IRAK3: variants seen among roughly 807,000 people sequenced by gnomAD.
IRAK3 encodes interleukin-1 receptor-associated kinase 3.
Under a neutral mutation model 56.6 loss-of-function variants are expected in IRAK3, and 57 were observed. That is an observed-to-expected ratio of 1.01 (90% CI 0.81 to 1.26). The LOEUF (loss-of-function observed/expected upper bound fraction) is 1.26. IRAK3 is among the 50% of genes most tolerant of loss of function. The pLI, the probability that IRAK3 is intolerant of heterozygous loss-of-function variation, is 0.00. For missense variants in IRAK3, 703 were observed against 719.0 expected (o/e 0.98, Z 0.25); for synonymous variants, 258 against 255.7 (o/e 1.01, Z -0.09).
chr12:66,209,630 A>G (rs2052593059), intron 3 of IRAK3, 110 bp downstream of exon 3: 2 of 750,458 alleles, frequency 2.7e-6, no homozygotes, highest in Non-Finnish European at 2.4e-6. Context: ...GGCACTTTTT[A>G]AAAATCAGAA....
In IRAK3 at chr12:66,240,247, A is replaced by T. The variant is rs376948157; in HGVS notation, c.888-4239A>T. 4.6e-5 allele frequency among the ~76,000 whole-genome samples: 7 copies of T among 152,314 alleles called. No individual in the cohort carries two copies. The Middle Eastern group carries it at 0.01, about 222-fold the overall frequency. On this transcript the variant is annotated intron_variant, in intron 8 of 11. Transcript: ENST00000261233. Reference sequence around the variant, plus strand: ...CAGATCTTTATACCAACAGGGAAACAGGCTTAGGGGGGTTGTGCTAGTTGT... The same window carrying T: ...CAGATCTTTATACCAACAGGGAAACTGGCTTAGGGGGGTTGTGCTAGTTGT...
At chr12:66,246,455 A>G (rs2053034130) in intron 11 of IRAK3, among the ~76,000 whole-genome samples, 1 of 152,238 alleles carries the variant, frequency 6.6e-6, no homozygotes, top group African/African-American at 2.4e-5. Flanking sequence ...AGGAGTTGAC[A>G]TAATCAGAAT....
intron 1 of IRAK3, among the ~76,000 whole-genome samples, 181 bp from the exon 2 acceptor site, chr12:66,203,530 T>A (rs949377115): frequency 6.6e-6 from 1 of 152,234 alleles, no homozygotes; most frequent in Non-Finnish European, 1.5e-5. Context: ...TTGTGGTTAG[T>A]AAGATGTCAA....
intron 5 of IRAK3, among the ~76,000 whole-genome samples, chr12:66,215,778 C>G (rs1307959894): frequency 3.0e-5 from 1 of 33,746 alleles, no homozygotes; most frequent in East Asian, 6.5e-4. Context: ...CCTATTTTAA[C>G]CCAACATGCA....
chr12:66,244,764 T>G (rs1274674353), intron 9 of IRAK3, 80 bp downstream of exon 9: 1 of 1,342,544 alleles, frequency 7.4e-7, no homozygotes, highest in Non-Finnish European at 1.1e-6. Context: ...TAAAGAGTTT[T>G]AACTTTTGAC....
chr12:66,240,430 G>A (rs1256310970), intron 8 of IRAK3, among the ~76,000 whole-genome samples: 5 of 152,152 alleles, frequency 3.3e-5, no homozygotes, highest in African/African-American at 7.2e-5. Context: ...AGAAAGCTCC[G>A]CAGTCCCACA....
intron 4 of IRAK3, 141 bp from the exon 5 acceptor site, chr12:66,211,305 G>A: frequency 1.6e-6 from 1 of 622,834 alleles, no homozygotes; most frequent in Non-Finnish European, 2.9e-6. Flanking sequence ...GAGAGCACAT[G>A]GTGGTCTTCG....
chr12:66,203,794 C>T lies in IRAK3; in HGVS notation c.217C>T (p.Leu73Phe). Residue 73 changes from leucine to phenylalanine, a missense_variant, in exon 2 of 12, where the codon CTT becomes TTT. Transcript: ENST00000261233. ...DQGKSGTREL[L>F]WSWAQKNKTI... ...AGGTAAAAGTGGAACAAGAGAATTA[C>T]TTTGGTCCTGGGCACAGAAAAACAA... is the stretch of plus-strand genomic sequence containing the variant. 1 of 1,613,830 alleles carries T rather than the reference C, an allele frequency of 6.2e-7. No homozygotes were observed. Among genetic ancestry groups the T allele is most frequent in the Non-Finnish European group, 8.5e-7 (1 of 1,179,772 alleles).
At position 66,189,322 on chromosome 12, in the gene IRAK3, G is replaced by A. The variant is rs750346056; in HGVS notation, c.23G>A (p.Arg8His). 21 of 1,533,568 alleles carry A rather than the reference G, an allele frequency of 1.4e-5. 1 individual carries two copies. The South Asian group carries it at 2.1e-4, about 16-fold the overall frequency. The allele number at this position is 1,533,568 out of a possible 1,614,324, so 95.0% of individuals were successfully genotyped here. MAGNCGA[R>H]GALSAHTLLF... ...GCCATGGCGGGGAACTGTGGGGCCC[G>A]CGGCGCGCTGTCGGCGCACACGCTG... Residue 8 changes from arginine to histidine, a missense_variant, in exon 1 of 12, where the codon CGC becomes CAC. Transcript: ENST00000261233.
At chr12:66,242,152 TG>T (rs2052976662) in intron 8 of IRAK3, among the ~76,000 whole-genome samples, 1 of 152,154 alleles carries the variant, frequency 6.6e-6, no homozygotes, top group Admixed American at 6.5e-5. Context: ...CCTCCCCCTG[TG>T]CTGAAATGAA....
In IRAK3 at chr12:66,254,065, G is replaced by A. The variant is rs1325619990; in HGVS notation, c.*5894G>A. On this transcript the variant is annotated 3_prime_UTR_variant, in exon 12 of 12. Coordinates refer to ENST00000261233, the MANE Select transcript of IRAK3 (RefSeq NM_007199.3). ...CAAAGATAAAGCAATTGACAAAAAT[G>A]GAATTCTTGTTCAATACTGGCAGGA... 6.6e-6 allele frequency: 1 copy of A among 152,114 alleles called. No individual in the cohort carries two copies. The highest frequency in any genetic ancestry group is 1.5e-5 in the Non-Finnish European group (1 of 68,004). The allele number at this position is 152,114 out of a possible 1,614,324, so 9.4% of individuals were successfully genotyped here.
chr12:66,234,546 C>T, intron 8 of IRAK3: 1 of 1,611,596 alleles, frequency 6.2e-7, no homozygotes, highest in South Asian at 1.1e-5. Context: ...GTAAGTCTCA[C>T]CTCTCCTTCT....
At chr12:66,240,105 A>C (rs2052951231) in intron 8 of IRAK3, among the ~76,000 whole-genome samples, 1 of 152,210 alleles carries the variant, frequency 6.6e-6, no homozygotes, top group Non-Finnish European at 1.5e-5. Context: ...GGTAATGGAC[A>C]TAGGATGGAC....
rs550967239 is a variant in IRAK3, at chr12:66,228,276, C to T, written c.793C>T (p.His265Tyr). The T allele has an allele frequency of 1.2e-6, 2 of 1,614,074 alleles. No homozygotes were observed. The highest frequency in any genetic ancestry group is 2.2e-5 in the South Asian group (2 of 91,080). ...GGGTGACACGGCCCCACTCCCTTGGCACATTCGAATCGGTATATTAATAGG... is the reference window on the plus strand; with the variant it reads ...GGGTGACACGGCCCCACTCCCTTGGTACATTCGAATCGGTATATTAATAGG... ...CVGDTAPLPW[H>Y]IRIGILIGIS... The change falls in exon 8 of 12, where the codon CAC becomes TAC. Residue 265 changes from histidine to tyrosine, a missense_variant. Physicochemically the swap from His to Tyr is moderately conservative, Grantham distance 83. Transcript: ENST00000261233.
intron 9 of IRAK3, 43 bp from the exon 10 acceptor site, chr12:66,244,905 T>C: frequency 1.4e-6 from 2 of 1,425,278 alleles, no homozygotes; most frequent in Non-Finnish European, 2.0e-6. Context: ...ATTGTGTGTA[T>C]ATTTTTAAGA....
chr12:66,201,709 T>TAA (rs2052509590), intron 1 of IRAK3, among the ~76,000 whole-genome samples: 2 of 152,374 alleles, frequency 1.3e-5, no homozygotes, highest in South Asian at 4.1e-4. Flanking sequence ...AAGATGTTTA[T>TAA]GCCAAACCTT....
intron 8 of IRAK3, chr12:66,235,306 C>T: frequency 8.1e-7 from 1 of 1,235,206 alleles, no homozygotes; most frequent in Non-Finnish European, 1.0e-6. Context: ...GCCGCGGCGG[C>T]GGGCGCGGGC....
intron 1 of IRAK3, chr12:66,197,688 C>T: frequency 1.0e-6 from 1 of 985,366 alleles, no homozygotes. Flanking sequence ...TTTGTCTAAT[C>T]TAGCTTTCCT....
At chr12:66,227,777 A>AAG (rs2052802900) in intron 7 of IRAK3, among the ~76,000 whole-genome samples, 1 of 150,922 alleles carries the variant, frequency 6.6e-6, no homozygotes, top group African/African-American at 2.4e-5. Context: ...AAAAAAAAAA[A>AAG]AGAGAGAGAG....
Sources: allele counts gnomAD v4.1 joint callset (sites outside exome capture counted in the v4.1 genomes callset), GRCh38; gene constraint gnomAD v4.1.1; transcripts MANE v1.5; gene names NCBI Gene and HGNC (gene_info 2026-07-23, HGNC 2026-07-21).